Variants in SHROOM3 observed in about 807,000 individuals in gnomAD.
SHROOM3 encodes the protein shroom family member 3.
A neutral mutation model predicts 138.6 loss-of-function variants in SHROOM3; 47 were observed. The ratio of observed to expected loss-of-function variants is 0.34; its 90% CI spans 0.27 to 0.43. SHROOM3 has a LOEUF of 0.43. Ranked by LOEUF, SHROOM3 falls within the 20% of genes least tolerant of loss-of-function variation. The pLI, the probability that SHROOM3 is intolerant of heterozygous loss-of-function variation, is 1.00. For synonymous variants in SHROOM3, 1,062 were observed against 1,063.3 expected (o/e 1.00, Z 0.02); for missense variants, 2,491 against 2,596.5 (o/e 0.96, Z 0.88).
rs1171691936 is a variant in SHROOM3, at chr4:76,746,069, A to G, written c.3754-2948A>G. On this transcript the variant is annotated intron_variant, in intron 5 of 10. Transcript: ENST00000296043. ...CTCTAAGTTACAGAAGAAGGAACCAAGTCACCAAGAGGGTACAAAATTTGC... is the reference window on the plus strand; with the variant it reads ...CTCTAAGTTACAGAAGAAGGAACCAGGTCACCAAGAGGGTACAAAATTTGC... 3.9e-5 allele frequency among the ~76,000 whole-genome samples: 6 copies of G among 152,224 alleles called. No homozygotes were observed. In the East Asian group the frequency reaches 1.2e-3, roughly 29 times the overall value.
Position 76,608,255 on chromosome 4 carries a change from C to T in SHROOM3, c.323+52492C>T, listed in dbSNP as rs115862256. On this transcript the variant is annotated intron_variant, in intron 2 of 10. Transcript: ENST00000296043. ...TTTTTAGCTCTCGAGGGAGCGCATT[C>T]GTTCATCAGTGAGCCTGGTCCAGCT... Among the ~76,000 whole-genome samples, 470 of 152,336 alleles carry T rather than the reference C, an allele frequency of 3.1e-3. 3 individuals carry two copies. Among genetic ancestry groups the T allele is most frequent in the African/African-American group, 0.01 (433 of 41,578 alleles).
intron 2 of SHROOM3, 134 bp from the exon 3 acceptor site, chr4:76,710,022 C>G: frequency 8.7e-7 from 1 of 1,154,282 alleles, no homozygotes; most frequent in Non-Finnish European, 1.3e-6. Context: ...GGCTTAGAAC[C>G]CTGCACTTAG....
chr4:76,579,165 T>C (rs977528037), intron 2 of SHROOM3, among the ~76,000 whole-genome samples: 1 of 151,186 alleles, frequency 6.6e-6, no homozygotes, highest in Non-Finnish European at 1.5e-5. Flanking sequence ...GGCGACAGAG[T>C]GTCTCAAAAA....
At chr4:76,763,123 C>T (rs1323480796) in intron 9 of SHROOM3, among the ~76,000 whole-genome samples, 2 of 152,170 alleles carry the variant, frequency 1.3e-5, no homozygotes. Context: ...CAGTGGCTCA[C>T]ACCTGTAATC....
Position 76,779,198 on chromosome 4 carries a change from C to A in SHROOM3, c.*21C>A. On this transcript the variant is annotated 3_prime_UTR_variant, in exon 11 of 11. Transcript: ENST00000296043. ...TTTAACCTCTTCTAAAATACCCAAC[C>A]AAAAGATCACTGTTTCTCTCAACAC... 6.3e-7 allele frequency: 1 copy of A among 1,579,284 alleles called. No homozygotes were observed. The highest frequency in any genetic ancestry group is 1.2e-5 in the South Asian group (1 of 85,388).
rs531013327 is a variant in SHROOM3 at position 76,506,197 on chromosome 4, G to T, written c.169-49412G>T. Among the ~76,000 whole-genome samples, 13 of 151,996 alleles carry T rather than the reference G, an allele frequency of 8.6e-5. No individual in the cohort carries two copies. The South Asian group carries it at 1.5e-3, about 17-fold the overall frequency. On this transcript the variant is annotated intron_variant, in intron 1 of 10. Coordinates refer to ENST00000296043, the MANE Select transcript of SHROOM3 (RefSeq NM_020859.4). Reference sequence around the variant, plus strand: ...AACGAGAACACATGGACACGGGTTGGGGGGAGGGCATCACACACCAGGGCC... The same window carrying T: ...AACGAGAACACATGGACACGGGTTGTGGGGAGGGCATCACACACCAGGGCC...
intron 1 of SHROOM3, among the ~76,000 whole-genome samples, chr4:76,525,078 A>G (rs1205954157): frequency 6.6e-6 from 1 of 152,190 alleles, no homozygotes; most frequent in Non-Finnish European, 1.5e-5. Context: ...GTTTCTCCAT[A>G]TCTTGCTAGC....
intron 1 of SHROOM3, among the ~76,000 whole-genome samples, chr4:76,544,057 A>T (rs1560540070): frequency 6.6e-6 from 1 of 152,164 alleles, no homozygotes; most frequent in Non-Finnish European, 1.5e-5. Flanking sequence ...TATATTATGC[A>T]CCCATGACTT....
chr4:76,592,437 A>C (rs889428238), intron 2 of SHROOM3, among the ~76,000 whole-genome samples: 16 of 152,218 alleles, frequency 1.1e-4, no homozygotes, highest in African/African-American at 3.9e-4. Context: ...TATTATTACC[A>C]CTACATAGTC....
rs148411700 is a variant in SHROOM3, at chr4:76,754,353, G to A, written c.3870G>A (p.Pro1290=). Reference sequence around the variant, plus strand: ...AAAGAGGCCAAGAAGAGATGCTGCCGCTCTTCCACCATCTCACCCCTCGTT... The same window carrying A: ...AAAGAGGCCAAGAAGAGATGCTGCCACTCTTCCACCATCTCACCCCTCGTT... ...CSERGQEEML[P]LFHHLTPRWG... Residue 1290 remains proline (P), a synonymous_variant, in exon 7 of 11, where the codon CCG becomes CCA. Coordinates refer to ENST00000296043, the MANE Select transcript of SHROOM3 (RefSeq NM_020859.4). The A allele has an allele frequency of 4.2e-4, 677 of 1,614,158 alleles. No individual in the cohort carries two copies. In the East Asian group the frequency reaches 0.013, roughly 30 times the overall value.
At chr4:76,634,587 A>G (rs987185009) in intron 2 of SHROOM3, among the ~76,000 whole-genome samples, 2 of 152,206 alleles carry the variant, frequency 1.3e-5, no homozygotes, top group African/African-American at 2.4e-5. Context: ...GACTAGCTAG[A>G]GGAGTTAGAA....
In SHROOM3 at chr4:76,554,426, T is replaced by G. The variant is rs1223827157; in HGVS notation, c.169-1183T>G. Reference sequence around the variant, plus strand: ...TTGTTGTTTTTTGTTTGTGTTTTTTTTTTTTTTTTTTGAGACGGAGTCTCA... The same window carrying G: ...TTGTTGTTTTTTGTTTGTGTTTTTTGTTTTTTTTTTTGAGACGGAGTCTCA... On this transcript the variant is annotated intron_variant, in intron 1 of 10. Coordinates refer to ENST00000296043, the MANE Select transcript of SHROOM3 (RefSeq NM_020859.4). Among the ~76,000 whole-genome samples, 30 of 148,964 alleles carry G rather than the reference T, an allele frequency of 2.0e-4. No homozygotes were observed. The East Asian group carries it at 4.1e-3, about 20-fold the overall frequency.
rs1414005478 is a variant in SHROOM3, at chr4:76,765,362, A to T, written c.5350-5264A>T. Among the ~76,000 whole-genome samples, 7 of 152,074 alleles carry T rather than the reference A, an allele frequency of 4.6e-5. No individual in the cohort carries two copies. The South Asian group carries it at 1.2e-3, about 27-fold the overall frequency. On this transcript the variant is annotated intron_variant, in intron 9 of 10. Coordinates refer to ENST00000296043, the MANE Select transcript of SHROOM3 (RefSeq NM_020859.4). Reference sequence around the variant, plus strand: ...AAACCCCATCTCTACAAAAAAAAAAAAAAAAATTAGCCAAGTGTGGTAATG... The same window carrying T: ...AAACCCCATCTCTACAAAAAAAAAATAAAAAATTAGCCAAGTGTGGTAATG...
intron 1 of SHROOM3, among the ~76,000 whole-genome samples, chr4:76,518,908 G>A (rs768314341): frequency 3.3e-5 from 5 of 152,154 alleles, no homozygotes; most frequent in Non-Finnish European, 7.3e-5. Flanking sequence ...ACATACCCTA[G>A]AGATCACTGG....
At chr4:76,650,627 C>T (rs1437003998) in intron 2 of SHROOM3, among the ~76,000 whole-genome samples, 1 of 151,956 alleles carries the variant, frequency 6.6e-6, no homozygotes, top group Non-Finnish European at 1.5e-5. Context: ...TCACTGCAAC[C>T]TCTGCTGCCC....
rs541640912 is a variant in SHROOM3 at position 76,602,901 on chromosome 4, G to C, written c.323+47138G>C. ...ACAGTCATAGTATTTTTCTTAGAAG[G>C]TGATTATAAGAATTGAATGAGTTAT... is the stretch of plus-strand genomic sequence containing the variant. On this transcript the variant is annotated intron_variant, in intron 2 of 10. Transcript: ENST00000296043. 1.8e-4 allele frequency among the ~76,000 whole-genome samples: 27 copies of C among 152,250 alleles called. 1 individual carries two copies. In the Middle Eastern group the frequency reaches 0.017, roughly 96 times the overall value.
chr4:76,583,078 C>T (rs1457603511), intron 2 of SHROOM3, among the ~76,000 whole-genome samples: 1 of 152,186 alleles, frequency 6.6e-6, no homozygotes, highest in African/African-American at 2.4e-5. Flanking sequence ...TGAATGCTCT[C>T]TAGAACTCAG....
chr4:76,735,507 G>T (rs530857644), intron 4 of SHROOM3, among the ~76,000 whole-genome samples: 18 of 152,070 alleles, frequency 1.2e-4, no homozygotes, highest in Admixed American at 3.3e-4. Context: ...AGAGATATGT[G>T]TAACAGGGAT....
At chr4:76,480,289 G>A (rs1469381587) in intron 1 of SHROOM3, among the ~76,000 whole-genome samples, 2 of 152,180 alleles carry the variant, frequency 1.3e-5, no homozygotes, top group Admixed American at 1.3e-4. Flanking sequence ...AGAGATGGAG[G>A]AAGATTTACC....
Sources: gnomAD v4.1 joint callset for allele counts (sites outside exome capture counted in the v4.1 genomes callset) on GRCh38, gnomAD v4.1.1 for gene constraint, MANE v1.5 for transcripts, NCBI Gene and HGNC (gene_info 2026-07-23, HGNC 2026-07-21) for gene names.